Variants in SHANK2 observed in about 807,000 individuals in gnomAD.
SHANK2 encodes SH3 and multiple ankyrin repeat domains protein 2.
A neutral mutation model predicts 133.7 loss-of-function variants in SHANK2; 43 were observed. The observed-to-expected ratio is 0.32, with a 90% CI of 0.25 to 0.41. The LOEUF (loss-of-function observed/expected upper bound fraction) is 0.41. Ranked by LOEUF, SHANK2 falls within the 10% of genes least tolerant of loss-of-function variation. The pLI is 1.00. For synonymous variants in SHANK2, 1,017 were observed against 952.8 expected (o/e 1.07, Z -1.24); for missense variants, 1,994 against 2,235.8 (o/e 0.89, Z 2.18).
intron 15 of SHANK2, among the ~76,000 whole-genome samples, chr11:70,689,563 C>T (rs1248302921): frequency 3.3e-5 from 5 of 152,050 alleles, no homozygotes; most frequent in Middle Eastern, 3.2e-3. Context: ...AATAAAGGGT[C>T]GCTACCTACA....
At chr11:70,934,021 C>T (rs1950537021) in intron 10 of SHANK2, among the ~76,000 whole-genome samples, 1 of 152,018 alleles carries the variant, frequency 6.6e-6, no homozygotes, top group East Asian at 1.9e-4. Context: ...AACTTGGCCC[C>T]GGGAGTTTGA....
intron 21 of SHANK2, among the ~76,000 whole-genome samples, chr11:70,499,770 G>T (rs782524064): frequency 2.6e-5 from 4 of 152,222 alleles, no homozygotes; most frequent in Non-Finnish European, 5.9e-5. Context: ...GGCTGCTGCA[G>T]AGAGGCCGCT....
At chr11:70,858,652 C>T (rs1555067218) in intron 11 of SHANK2, among the ~76,000 whole-genome samples, 2 of 152,232 alleles carry the variant, frequency 1.3e-5, no homozygotes, top group Non-Finnish European at 2.9e-5. Context: ...ATCATGGAAA[C>T]TTCTTTGTTA....
At chr11:70,505,336 G>A (rs1358388924) in intron 17 of SHANK2, among the ~76,000 whole-genome samples, 1 of 152,156 alleles carries the variant, frequency 6.6e-6, no homozygotes, top group Non-Finnish European at 1.5e-5. Context: ...TGAGTATGAG[G>A]TGCCAAACAC....
At chr11:70,827,289 A>G (rs1243290621) in intron 11 of SHANK2, among the ~76,000 whole-genome samples, 1 of 147,202 alleles carries the variant, frequency 6.8e-6, no homozygotes, top group Non-Finnish European at 1.5e-5. Flanking sequence ...AAAGAGAGAG[A>G]TAAAAAGACA....
chr11:71,113,688 T>C (rs1482613908), intron 4 of SHANK2, among the ~76,000 whole-genome samples: 1 of 152,206 alleles, frequency 6.6e-6, no homozygotes, highest in East Asian at 1.9e-4. Context: ...TTATGGTTCC[T>C]CCCAGGGGAA....
chr11:70,743,678 G>C (rs550707893), intron 14 of SHANK2, among the ~76,000 whole-genome samples: 1 of 152,130 alleles, frequency 6.6e-6, no homozygotes, highest in African/African-American at 2.4e-5. Context: ...CAGAGGGGCC[G>C]GGAGAGCCCC....
chr11:70,649,172 G>T (rs2061308960), intron 17 of SHANK2, among the ~76,000 whole-genome samples: 1 of 152,170 alleles, frequency 6.6e-6, no homozygotes, highest in South Asian at 2.1e-4. Flanking sequence ...AGCCCTGAGG[G>T]TGCTGAAGGA....
intron 10 of SHANK2, among the ~76,000 whole-genome samples, chr11:70,920,115 C>T (rs1555080483): frequency 6.6e-6 from 1 of 152,182 alleles, no homozygotes; most frequent in East Asian, 1.9e-4. Flanking sequence ...CCTCATAGGG[C>T]ATTTTGTCAA....
chr11:70,559,467 C>T (rs1352240708), intron 17 of SHANK2, among the ~76,000 whole-genome samples: 1 of 152,128 alleles, frequency 6.6e-6, no homozygotes, highest in Non-Finnish European at 1.5e-5. Context: ...GCTTTTTTCA[C>T]CTCAAATCAC....
Position 70,773,880 on chromosome 11 carries a change from G to A in SHANK2, c.1777+24563C>T, listed in dbSNP as rs535438474. On this transcript the variant is annotated intron_variant, in intron 14 of 25. Coordinates refer to ENST00000601538, the MANE Select transcript of SHANK2 (RefSeq NM_012309.5). ...CTGGAACCCTTCCTACACTGTTGTC[G>A]GGAATGTAAAATGAAGCCACTGTGG... is the stretch of plus-strand genomic sequence containing the variant. 5.3e-5 allele frequency among the ~76,000 whole-genome samples: 8 copies of A among 152,268 alleles called. No individual in the cohort carries two copies. In the South Asian group the frequency reaches 6.2e-4, roughly 12 times the overall value.
intron 2 of SHANK2, among the ~76,000 whole-genome samples, chr11:71,163,093 A>ACATATATATATATATATATATATATATAT (rs1275612717): frequency 1.2e-5 from 1 of 84,678 alleles, no homozygotes; most frequent in Non-Finnish European, 2.5e-5. Flanking sequence ...AAAAAAAAAA[A>ACATATATATATATATATATATATATATAT]ATACATATAT....
At chr11:70,907,386 C>T (rs3020091) in intron 10 of SHANK2, among the ~76,000 whole-genome samples, 41,271 of 152,046 alleles carry the variant, frequency 0.27, 7,155 homozygotes, top group African/African-American at 0.49. Context: ...TAGCACTGTG[C>T]GGTGGTCAGG....
intron 14 of SHANK2, among the ~76,000 whole-genome samples, chr11:70,746,320 C>T (rs1946636397): frequency 1.3e-5 from 2 of 151,680 alleles, no homozygotes; most frequent in African/African-American, 2.4e-5. Flanking sequence ...GCCCCATGCT[C>T]ACAGCCCCCA....
chr11:70,494,671 C>T (rs1362143889), intron 21 of SHANK2, among the ~76,000 whole-genome samples: 4 of 152,200 alleles, frequency 2.6e-5, no homozygotes, highest in Non-Finnish European at 4.4e-5. Context: ...GGCTGTCACG[C>T]CCAGCACACT....
intron 11 of SHANK2, among the ~76,000 whole-genome samples, chr11:70,888,482 T>A (rs996294597): frequency 1.3e-5 from 2 of 152,008 alleles, no homozygotes; most frequent in Non-Finnish European, 2.9e-5. Context: ...CCCTTGACAC[T>A]CAAGACCGGG....
chr11:70,692,258 A>G (rs1255100500), intron 15 of SHANK2, among the ~76,000 whole-genome samples: 4 of 152,228 alleles, frequency 2.6e-5, no homozygotes, highest in African/African-American at 9.6e-5. Context: ...TTAGGGTTTC[A>G]AAGGAAAGCC....
At chr11:70,489,992 AC>A in intron 23 of SHANK2, 1 of 74,346 alleles carries the variant, frequency 1.3e-5, no homozygotes. Context: ...CTCCCGCTTT[AC>A]CCTGCTGGAA....
At chr11:71,217,157 A>G (rs1331652169) in intron 2 of SHANK2, among the ~76,000 whole-genome samples, 1 of 151,564 alleles carries the variant, frequency 6.6e-6, no homozygotes, top group Non-Finnish European at 1.5e-5. Context: ...AGATCGTGCC[A>G]TTGCACTCCA....
Sources: allele counts gnomAD v4.1 joint callset (sites outside exome capture counted in the v4.1 genomes callset), GRCh38; gene constraint gnomAD v4.1.1; transcripts MANE v1.5; gene names NCBI Gene and HGNC (gene_info 2026-07-23, HGNC 2026-07-21).